TRIP12: variants seen among roughly 807,000 people sequenced by gnomAD.
TRIP12 encodes thyroid hormone receptor interactor 12.
A neutral mutation model predicts 244.2 loss-of-function variants in TRIP12; 25 were observed. That is an observed-to-expected ratio of 0.10 (90% CI 0.07 to 0.14). The LOEUF (loss-of-function observed/expected upper bound fraction) is 0.14. Ranked by LOEUF, TRIP12 falls within the 10% of genes least tolerant of loss-of-function variation. The pLI is 1.00. For missense variants in TRIP12, 1,677 were observed against 2,486.4 expected (o/e 0.67, Z 6.92); for synonymous variants, 905 against 873.1 (o/e 1.04, Z -0.64).
intron 13 of TRIP12, among the ~76,000 whole-genome samples, chr2:229,812,531 T>C (rs2047524199): frequency 6.6e-6 from 1 of 152,330 alleles, no homozygotes; most frequent in Non-Finnish European, 1.5e-5. Flanking sequence ...TTTGGTCGGG[T>C]GCCATGGCTT....
intron 4 of TRIP12, among the ~76,000 whole-genome samples, chr2:229,848,869 T>A (rs186813800): frequency 6.6e-6 from 1 of 152,206 alleles, no homozygotes; most frequent in Non-Finnish European, 1.5e-5. Flanking sequence ...TTCACCAATC[T>A]GGCAAATAAA....
rs57794819 is a variant in TRIP12 at position 229,903,018 on chromosome 2, C to CTTTT, written c.-50+18858_-50+18861dup. Among the ~76,000 whole-genome samples the CTTTT allele has an allele frequency of 7.6e-5, 8 of 104,898 alleles. 2 individuals carry two copies. Among genetic ancestry groups the CTTTT allele is most frequent in the South Asian group, 2.9e-4 (1 of 3,406 alleles). 68.8% of individuals were successfully genotyped at this position (104,898 alleles called of 152,430 possible). A position where few individuals can be genotyped will look rare whatever the true frequency, so the allele number is the denominator to read the frequency against. Reference sequence around the variant, plus strand: ...GGTTTTTTTTTCTTTTTCTTTTTTTCTTTTTTTTTTTTTTTTTTGCCAGAA... The same window carrying CTTTT: ...GGTTTTTTTTTCTTTTTCTTTTTTTCTTTTTTTTTTTTTTTTTTTTTTGCCAGAA... On this transcript the variant is annotated intron_variant, in intron 1 of 41. Transcript: ENST00000675903.
intron 1 of TRIP12, among the ~76,000 whole-genome samples, chr2:229,880,862 C>T (rs1392537606): frequency 2.0e-5 from 3 of 152,026 alleles, no homozygotes; most frequent in Admixed American, 6.6e-5. Flanking sequence ...GAGAATCGCT[C>T]GAACCCGGGA....
rs184248770 is a variant in TRIP12 at position 229,859,190 on chromosome 2, G to A, written c.609C>T (p.Ser203=). 18 of 1,614,106 alleles carry A rather than the reference G, an allele frequency of 1.1e-5. No homozygotes were observed. Among genetic ancestry groups the A allele is most frequent in the East Asian group, 6.7e-5 (3 of 44,886 alleles). Residue 203 remains serine, a synonymous_variant, in exon 4 of 42, where the codon TCC becomes TCT. Coordinates refer to ENST00000675903, the MANE Select transcript of TRIP12 (RefSeq NM_001348323.3). ...CTTCTGCACCAGTTGATTCAGACCC[G>A]GAGCCACTCTTTACACAAGAACTCT... ...RTESSCVKSG[S]GSESTGAEER...
chr2:229,855,261 C>T (rs2059394640), intron 4 of TRIP12, among the ~76,000 whole-genome samples: 1 of 152,000 alleles, frequency 6.6e-6, no homozygotes, highest in African/African-American at 2.4e-5. Flanking sequence ...AGGAAGACTC[C>T]ATCTTAAAAC....
chr2:229,906,794 T>A (rs1193180239), intron 1 of TRIP12, among the ~76,000 whole-genome samples: 3 of 150,634 alleles, frequency 2.0e-5, no homozygotes, highest in African/African-American at 7.3e-5. Context: ...TGAAACTAGG[T>A]AAAGAGGAAT....
At chr2:229,828,278 G>A (rs1352567202) in intron 8 of TRIP12, among the ~76,000 whole-genome samples, 1 of 151,680 alleles carries the variant, frequency 6.6e-6, no homozygotes, top group Non-Finnish European at 1.5e-5. Flanking sequence ...AAAGGTTGAT[G>A]GTAAATACAG....
chr2:229,858,992 A>G lies in TRIP12; in HGVS notation c.807T>C (p.Asp269=), dbSNP rs2060062647. Residue 269 remains aspartate, a synonymous_variant, in exon 4 of 42, where the codon GAT becomes GAC. Coordinates refer to ENST00000675903, the MANE Select transcript of TRIP12 (RefSeq NM_001348323.3). ...PPGARVKQGK[D]QNKARRSRSA... ...AACGGGAACGCCTGGCCTTGTTCTG[A>G]TCTTTTCCTTGTTTCACTCTGGCAC... is the stretch of plus-strand genomic sequence containing the variant. The G allele has an allele frequency of 1.2e-6, 2 of 1,614,022 alleles. No individual in the cohort carries two copies. The highest frequency in any genetic ancestry group is 1.3e-5 in the African/African-American group (1 of 74,908).
chr2:229,908,423 C>T (rs2073434972), intron 1 of TRIP12, among the ~76,000 whole-genome samples: 1 of 150,840 alleles, frequency 6.6e-6, no homozygotes, highest in Non-Finnish European at 1.5e-5. Flanking sequence ...TCTTATGAAG[C>T]ATCCGCGTAA....
chr2:229,841,478 C>G (rs1575800731), intron 4 of TRIP12, among the ~76,000 whole-genome samples: 1 of 152,136 alleles, frequency 6.6e-6, no homozygotes, highest in African/African-American at 2.4e-5. Flanking sequence ...CAATTAAGCA[C>G]AGTTTACATG....
intron 27 of TRIP12, 128 bp from the exon 28 acceptor site, chr2:229,792,354 G>A (rs762846677): frequency 2.2e-6 from 2 of 908,868 alleles, no homozygotes; most frequent in Non-Finnish European, 3.4e-6. Context: ...TATCTGAAAT[G>A]CTTGAGCCCA....
At chr2:229,905,050 G>T (rs1472896770) in intron 1 of TRIP12, among the ~76,000 whole-genome samples, 1 of 152,278 alleles carries the variant, frequency 6.6e-6, no homozygotes, top group East Asian at 1.9e-4. Context: ...TGAGGCAGGC[G>T]GATCACCTGA....
At chr2:229,885,857 A>G (rs1287404116) in intron 1 of TRIP12, among the ~76,000 whole-genome samples, 3 of 152,024 alleles carry the variant, frequency 2.0e-5, no homozygotes, top group African/African-American at 7.3e-5. Context: ...GGTAAGACCT[A>G]CAAGTACTTA....
In TRIP12 at chr2:229,767,409, C is replaced by T; in HGVS notation, c.*145G>A. On this transcript the variant is annotated 3_prime_UTR_variant, in exon 42 of 42. Transcript: ENST00000675903. ...CATGGGGCCATTAATGAATATCAAC[C>T]AAATGTCTCTTTATAATCTGCAAGC... 1 of 957,122 alleles carries T rather than the reference C, an allele frequency of 1.0e-6. No homozygotes were observed. The highest frequency in any genetic ancestry group is 1.5e-6 in the Non-Finnish European group (1 of 685,962). The allele number at this position is 957,122 out of a possible 1,614,324, so 59.3% of individuals were successfully genotyped here.
At chr2:229,773,795 A>C in intron 38 of TRIP12, 1 of 226,480 alleles carries the variant, frequency 4.4e-6, no homozygotes, top group African/African-American at 2.3e-5. Context: ...GCAAAAATGC[A>C]ATTTAGTGAG....
chr2:229,884,594 T>TA (rs1318167638), intron 1 of TRIP12, among the ~76,000 whole-genome samples: 9 of 151,932 alleles, frequency 5.9e-5, no homozygotes, highest in Admixed American at 3.9e-4. Context: ...AAAGAAAGGC[T>TA]AAAAAAAACC....
At chr2:229,859,807 A>C (rs1330456160) in intron 3 of TRIP12, among the ~76,000 whole-genome samples, 2 of 152,254 alleles carry the variant, frequency 1.3e-5, no homozygotes, top group Non-Finnish European at 2.9e-5. Flanking sequence ...TAGCCCAAAG[A>C]TTACTGACAC....
In TRIP12 at chr2:229,767,470, C is replaced by T; in HGVS notation, c.*84G>A. On this transcript the variant is annotated 3_prime_UTR_variant, in exon 42 of 42. Transcript: ENST00000675903. The stretch of plus-strand genomic sequence containing the variant: ...ACAACAAGAAGGCGTAACATGTTTC[C>T]TTGACTCAGGTGATAACATTAGAAA... The T allele has an allele frequency of 6.9e-7, 1 of 1,459,000 alleles. No homozygotes were observed. 90.4% of individuals were successfully genotyped at this position (1,459,000 alleles called of 1,614,324 possible).
At chr2:229,893,153 A>G (rs1024753897) in intron 1 of TRIP12, among the ~76,000 whole-genome samples, 45 of 152,360 alleles carry the variant, frequency 3.0e-4, no homozygotes, top group African/African-American at 9.6e-4. Context: ...AGTTTTACAT[A>G]TGTTTTATTA....
Sources: allele counts gnomAD v4.1 joint callset (sites outside exome capture counted in the v4.1 genomes callset), GRCh38; gene constraint gnomAD v4.1.1; transcripts MANE v1.5; gene names NCBI Gene and HGNC (gene_info 2026-07-23, HGNC 2026-07-21).